NYAP2: variants seen among roughly 807,000 people sequenced by gnomAD.
The protein encoded by NYAP2 is neuronal tyrosine-phosphorylated phosphoinositide-3-kinase adapter 2.
NYAP2 carries 23 observed loss-of-function variants against 50.4 expected under a neutral mutation model. The ratio of observed to expected loss-of-function variants is 0.46; its 90% CI spans 0.33 to 0.65. The LOEUF is 0.65. NYAP2 is among the 30% of genes least tolerant of loss of function. The pLI is 0.02. For missense variants in NYAP2, 885 were observed against 861.0 expected (o/e 1.03, Z -0.35); for synonymous variants, 394 against 365.2 (o/e 1.08, Z -0.90).
downstream of NYAP2, among the ~76,000 whole-genome samples, chr2:225,655,885 T>TACACACACAC (rs372646871): frequency 0.048 from 5,824 of 121,018 alleles, 271 homozygotes; most frequent in Admixed American, 0.086. Flanking sequence ...CAACCTCCAC[T>TACACACACAC]ACACACACAC....
intron 3 of NYAP2, among the ~76,000 whole-genome samples, chr2:225,445,115 T>TC (rs1689532216): frequency 6.6e-6 from 1 of 152,042 alleles, no homozygotes; most frequent in Admixed American, 6.6e-5. Context: ...TGGCGAAACA[T>TC]TAAAAACATG....
At chr2:225,612,275 G>T (rs1350609272) in intron 5 of NYAP2, among the ~76,000 whole-genome samples, 2 of 151,262 alleles carry the variant, frequency 1.3e-5, no homozygotes, top group African/African-American at 4.9e-5. Flanking sequence ...TTTCTGAAAA[G>T]AAAATTCTGT....
At chr2:225,586,180 C>A (rs1222899981) in intron 5 of NYAP2, among the ~76,000 whole-genome samples, 1 of 152,100 alleles carries the variant, frequency 6.6e-6, no homozygotes, top group Non-Finnish European at 1.5e-5. Flanking sequence ...ATACCTTAAA[C>A]TCATTTTTAA....
intron 3 of NYAP2, among the ~76,000 whole-genome samples, chr2:225,433,139 T>C (rs754557749): frequency 6.6e-6 from 1 of 152,238 alleles, no homozygotes; most frequent in African/African-American, 2.4e-5. Context: ...TTTCATTAAA[T>C]ACTTATTGTA....
intron 5 of NYAP2, among the ~76,000 whole-genome samples, chr2:225,622,742 A>G (rs1693143604): frequency 6.6e-6 from 1 of 151,164 alleles, no homozygotes; most frequent in South Asian, 2.1e-4. Context: ...ACTACGCCCG[A>G]CTAATTTTTG....
chr2:225,694,312 C>A, the NYAP2 span, among the ~76,000 whole-genome samples: 15 of 147,454 alleles, frequency 1.0e-4, no homozygotes, highest in African/African-American at 3.7e-4. Context: ...TTTTTTTTTT[C>A]TTTTAAGAAT....
chr2:225,511,313 T>C (rs1449420816), intron 3 of NYAP2, among the ~76,000 whole-genome samples: 1 of 148,788 alleles, frequency 6.7e-6, no homozygotes, highest in African/African-American at 2.5e-5. Flanking sequence ...TATGTCTTAA[T>C]TGCCGTTCTT....
At chr2:225,690,739 A>G in the NYAP2 span, among the ~76,000 whole-genome samples, 3 of 152,268 alleles carry the variant, frequency 2.0e-5, no homozygotes, top group East Asian at 1.9e-4. Context: ...ATAAATTTCT[A>G]TAACTGATTT....
At chr2:225,690,276 T>A in the NYAP2 span, among the ~76,000 whole-genome samples, 2 of 152,178 alleles carry the variant, frequency 1.3e-5, no homozygotes, top group African/African-American at 2.4e-5. Flanking sequence ...TTAAAAATAT[T>A]TTTTTTCTCT....
chr2:225,637,657 T>C (rs1693444489), intron 6 of NYAP2, among the ~76,000 whole-genome samples: 1 of 152,198 alleles, frequency 6.6e-6, no homozygotes, highest in Non-Finnish European at 1.5e-5. Context: ...TGGAGGGTAC[T>C]GTAAGCTGTA....
intron 5 of NYAP2, among the ~76,000 whole-genome samples, chr2:225,611,105 A>T (rs1388981949): frequency 6.6e-6 from 1 of 152,142 alleles, no homozygotes; most frequent in Non-Finnish European, 1.5e-5. Flanking sequence ...AATTTTGAAA[A>T]TGTGTGGTAG....
chr2:225,428,713 A>G (rs910449124), intron 3 of NYAP2, among the ~76,000 whole-genome samples: 2 of 152,196 alleles, frequency 1.3e-5, no homozygotes, highest in African/African-American at 4.8e-5. Flanking sequence ...TGGCCTTCCC[A>G]AACGTGATTC....
chr2:225,567,083 A>G (rs1691974855), intron 4 of NYAP2, among the ~76,000 whole-genome samples: 1 of 152,342 alleles, frequency 6.6e-6, no homozygotes, highest in South Asian at 2.1e-4. Context: ...CACCTAGGCC[A>G]TAAGGTAGAG....
At chr2:225,696,487 G>GC in the NYAP2 span, among the ~76,000 whole-genome samples, 1 of 152,016 alleles carries the variant, frequency 6.6e-6, no homozygotes, top group Non-Finnish European at 1.5e-5. Flanking sequence ...AGATAAAGAA[G>GC]CCAGGAAGCC....
rs12622250 is a variant in NYAP2, at chr2:225,578,222, T to G, written c.524-3719T>G. Reference sequence around the variant, plus strand: ...TGCTAGGATTACAGGTGTGAGCCATTGCACCCCACACTCACACCTTCATTT... The same window carrying G: ...TGCTAGGATTACAGGTGTGAGCCATGGCACCCCACACTCACACCTTCATTT... On this transcript the variant is annotated intron_variant, in intron 4 of 6. Coordinates refer to ENST00000636099, the Ensembl canonical transcript of NYAP2. Among the ~76,000 whole-genome samples, 26 of 152,102 alleles carry G rather than the reference T, an allele frequency of 1.7e-4. No individual in the cohort carries two copies. In the East Asian group the frequency reaches 4.6e-3, roughly 27 times the overall value.
intron 3 of NYAP2, among the ~76,000 whole-genome samples, chr2:225,452,669 C>T (rs1424942619): frequency 6.6e-6 from 1 of 152,150 alleles, no homozygotes; most frequent in Non-Finnish European, 1.5e-5. Flanking sequence ...CCAAGAGTGC[C>T]TAGAGTGTTA....
At chr2:225,439,552 A>T (rs1307898676) in intron 3 of NYAP2, among the ~76,000 whole-genome samples, 3 of 152,180 alleles carry the variant, frequency 2.0e-5, no homozygotes, top group African/African-American at 7.2e-5. Flanking sequence ...GGAAATTAGG[A>T]CACCAAGGCA....
the NYAP2 span, among the ~76,000 whole-genome samples, chr2:225,684,247 A>G: frequency 6.6e-6 from 1 of 152,126 alleles, no homozygotes; most frequent in African/African-American, 2.4e-5. Flanking sequence ...TGCTCTATGA[A>G]AAGTTTTATT....
chr2:225,621,244 A>G (rs2106253992), intron 5 of NYAP2, among the ~76,000 whole-genome samples: 1 of 152,258 alleles, frequency 6.6e-6, no homozygotes, highest in Non-Finnish European at 1.5e-5. Flanking sequence ...GCTTGGGAAT[A>G]GTTTATAATG....
Sources: gnomAD v4.1 joint callset for allele counts (sites outside exome capture counted in the v4.1 genomes callset) on GRCh38, gnomAD v4.1.1 for gene constraint, MANE v1.5 for transcripts, NCBI Gene and HGNC (gene_info 2026-07-23, HGNC 2026-07-21) for gene names.